Variants in PPARGC1A observed in about 807,000 individuals in gnomAD.
The protein encoded by PPARGC1A is PPARG coactivator 1 alpha, also known as peroxisome proliferator-activated receptor gamma coactivator 1-alpha.
A neutral mutation model predicts 88.7 loss-of-function variants in PPARGC1A; 25 were observed. The observed-to-expected ratio is 0.28, with a 90% CI of 0.21 to 0.39. The LOEUF is 0.39. Among genes scored for constraint, PPARGC1A ranks in the 10% least tolerant of loss-of-function variants. PPARGC1A has a pLI of 1.00. For missense variants in PPARGC1A, 880 were observed against 968.7 expected (o/e 0.91, Z 1.22); for synonymous variants, 363 against 355.6 (o/e 1.02, Z -0.24).
At chr4:23,892,778 C>T (rs2148861234), upstream of PPARGC1A, among the ~76,000 whole-genome samples, 1 of 152,202 alleles carries the variant, frequency 6.6e-6, no homozygotes, top group East Asian at 1.9e-4. Flanking sequence ...TGTGCACAGC[C>T]ATGTATCACA....
the PPARGC1A span, among the ~76,000 whole-genome samples, chr4:24,031,262 C>A: frequency 1.3e-5 from 2 of 152,132 alleles, no homozygotes; most frequent in Non-Finnish European, 2.9e-5. Context: ...CTTAGAAAGA[C>A]AAACAGAACC....
chr4:24,149,500 C>T, the PPARGC1A span, among the ~76,000 whole-genome samples: 13 of 152,118 alleles, frequency 8.5e-5, no homozygotes, highest in African/African-American at 2.4e-4. Flanking sequence ...GTTGGATTGC[C>T]GTTTTTATTA....
the PPARGC1A span, among the ~76,000 whole-genome samples, chr4:24,302,905 A>C: frequency 6.6e-6 from 1 of 152,214 alleles, no homozygotes; most frequent in Non-Finnish European, 1.5e-5. Context: ...CTTAATGAAC[A>C]TTCTTTCCCA....
the PPARGC1A span, among the ~76,000 whole-genome samples, chr4:24,169,530 G>A: frequency 6.6e-6 from 1 of 151,788 alleles, no homozygotes; most frequent in Non-Finnish European, 1.5e-5. Flanking sequence ...CAGTTTTTCT[G>A]TAAATCTATA....
At chr4:24,275,242 C>T in the PPARGC1A span, among the ~76,000 whole-genome samples, 1 of 152,102 alleles carries the variant, frequency 6.6e-6, no homozygotes, top group Non-Finnish European at 1.5e-5. Context: ...ACACACAGCA[C>T]AACTCTACTG....
At chr4:23,922,956 A>C in the PPARGC1A span, among the ~76,000 whole-genome samples, 1 of 152,160 alleles carries the variant, frequency 6.6e-6, no homozygotes, top group East Asian at 1.9e-4. Context: ...TGAAGCAGAC[A>C]TTTTATCAGC....
the PPARGC1A span, among the ~76,000 whole-genome samples, chr4:24,371,960 G>GA: frequency 2.9e-3 from 420 of 146,438 alleles, 2 homozygotes; most frequent in African/African-American, 9.6e-3. Flanking sequence ...CAAAATAAAA[G>GA]AAAAAAAAAA....
chr4:24,164,534 C>G, the PPARGC1A span, among the ~76,000 whole-genome samples: 1 of 152,022 alleles, frequency 6.6e-6, no homozygotes, highest in Non-Finnish European at 1.5e-5. Context: ...CTGACTGTAT[C>G]TCCATGGTGC....
chr4:24,440,775 C>G, the PPARGC1A span, among the ~76,000 whole-genome samples: 1 of 151,722 alleles, frequency 6.6e-6, no homozygotes, highest in Non-Finnish European at 1.5e-5. Context: ...GCATTCCAGC[C>G]TGGGTGACAG....
At chr4:23,803,542 CTTTT>C (rs926553809) in intron 10 of PPARGC1A, among the ~76,000 whole-genome samples, 1 of 151,974 alleles carries the variant, frequency 6.6e-6, no homozygotes, top group Admixed American at 6.6e-5. Flanking sequence ...AGGATAAATT[CTTTT>C]TTTACAGCAC....
the PPARGC1A span, among the ~76,000 whole-genome samples, chr4:24,185,068 G>A: frequency 1.3e-5 from 2 of 152,254 alleles, no homozygotes; most frequent in African/African-American, 2.4e-5. Flanking sequence ...TTCGAGAAAA[G>A]TACAGAGACT....
chr4:23,963,079 T>C, the PPARGC1A span, among the ~76,000 whole-genome samples: 1 of 152,176 alleles, frequency 6.6e-6, no homozygotes. Context: ...GGGGGCCATC[T>C]ATCTGCAAAG....
At chr4:24,450,051 A>T in the PPARGC1A span, among the ~76,000 whole-genome samples, 1 of 152,230 alleles carries the variant, frequency 6.6e-6, no homozygotes, top group African/African-American at 2.4e-5. Context: ...AAAGAAATAA[A>T]TGTGTTGTTC....
chr4:24,423,448 A>G, the PPARGC1A span, among the ~76,000 whole-genome samples: 1 of 152,200 alleles, frequency 6.6e-6, no homozygotes, highest in African/African-American at 2.4e-5. Flanking sequence ...AAACAAAACT[A>G]AATAACTATT....
At chr4:24,154,843 A>G in the PPARGC1A span, among the ~76,000 whole-genome samples, 2 of 152,220 alleles carry the variant, frequency 1.3e-5, no homozygotes, top group Non-Finnish European at 2.9e-5. Flanking sequence ...AATTGTCTAA[A>G]AACAAATGTC....
the PPARGC1A span, among the ~76,000 whole-genome samples, chr4:24,444,895 T>G: frequency 1.3e-5 from 2 of 151,602 alleles, no homozygotes; most frequent in African/African-American, 4.8e-5. Context: ...TCTAGAAAAG[T>G]TGTAAAAATT....
the PPARGC1A span, among the ~76,000 whole-genome samples, chr4:24,209,648 C>T: frequency 1.3e-5 from 2 of 152,124 alleles, no homozygotes; most frequent in African/African-American, 4.8e-5. Flanking sequence ...CCCTAACTTG[C>T]CAAGAAAGGA....
the PPARGC1A span, among the ~76,000 whole-genome samples, chr4:24,383,255 A>C: frequency 1.3e-5 from 2 of 152,218 alleles, no homozygotes; most frequent in Non-Finnish European, 2.9e-5. Context: ...AGATAAATCC[A>C]CAAAGGTGAG....
At chr4:24,067,272 C>T in the PPARGC1A span, among the ~76,000 whole-genome samples, 1 of 140,690 alleles carries the variant, frequency 7.1e-6, no homozygotes, top group African/African-American at 2.5e-5. Flanking sequence ...CTAAGAGAAA[C>T]AGAACACAAT....
Sources: gnomAD v4.1 joint callset for allele counts (sites outside exome capture counted in the v4.1 genomes callset) on GRCh38, gnomAD v4.1.1 for gene constraint, MANE v1.5 for transcripts, NCBI Gene and HGNC (gene_info 2026-07-23, HGNC 2026-07-21) for gene names.